The following ZNF236 variants were observed in gnomAD, a reference collection of about 807,000 sequenced individuals.
ZNF236 encodes the protein regulated by glucose.
ZNF236 carries 50 observed loss-of-function variants against 191.2 expected under a neutral mutation model. The ratio of observed to expected loss-of-function variants is 0.26; its 90% CI spans 0.21 to 0.33. The LOEUF (loss-of-function observed/expected upper bound fraction) is 0.33. Among genes scored for constraint, ZNF236 ranks in the 10% least tolerant of loss-of-function variants. The pLI, the probability that ZNF236 is intolerant of heterozygous loss-of-function variation, is 1.00. For synonymous variants in ZNF236, 907 were observed against 928.8 expected (o/e 0.98, Z 0.43); for missense variants, 1,754 against 2,374.5 (o/e 0.74, Z 5.43).
intron 14 of ZNF236, among the ~76,000 whole-genome samples, chr18:76,909,312 C>G (rs1191965915): frequency 1.4e-5 from 1 of 71,324 alleles, no homozygotes; most frequent in African/African-American, 6.1e-5. Context: ...GAGTGAGACT[C>G]TGTCTCAAAA....
intron 28 of ZNF236, among the ~76,000 whole-genome samples, chr18:76,958,877 G>C (rs571684492): frequency 1.3e-5 from 2 of 152,188 alleles, no homozygotes; most frequent in Non-Finnish European, 2.9e-5. Flanking sequence ...GAACACAGGC[G>C]GTCACATGGA....
intron 27 of ZNF236, among the ~76,000 whole-genome samples, chr18:76,955,045 T>C (rs1475479329): frequency 6.6e-6 from 1 of 152,246 alleles, no homozygotes; most frequent in Non-Finnish European, 1.5e-5. Flanking sequence ...ACAGATCTCA[T>C]TAATTTTCAT....
chr18:76,881,696 T>C (rs1976906655), intron 9 of ZNF236, among the ~76,000 whole-genome samples, 184 bp downstream of exon 9: 1 of 152,218 alleles, frequency 6.6e-6, no homozygotes, highest in South Asian at 2.1e-4. Context: ...CTGAAACTTA[T>C]CACTTTTCTT....
Position 76,925,040 on chromosome 18 carries a change from G to A in ZNF236, c.3662-149G>A, listed in dbSNP as rs114643890. 7.3e-4 allele frequency: 901 copies of A among 1,239,668 alleles called. 4 individuals carry two copies. The African/African-American group carries it at 0.012, about 16-fold the overall frequency. The allele number at this position is 1,239,668 out of a possible 1,614,324, so 76.8% of individuals were successfully genotyped here. A position where few individuals can be genotyped will look rare whatever the true frequency, so the allele number is the denominator to read the frequency against. On this transcript the variant is annotated intron_variant, in intron 21 of 30. Transcript: ENST00000320610. This position sits in a 1 kb window ranked among gnomAD's most constrained non-coding sequence, Gnocchi z 5.7. ...ACTGCAGCAATTGCCTGTGACGTCC[G>A]TAACATCTTATAGGTGAAAGGGATT... is the stretch of plus-strand genomic sequence containing the variant.
At chr18:76,908,953 ATGTGTGTGTCTGTGTG>A (rs1251571171) in intron 14 of ZNF236, among the ~76,000 whole-genome samples, 11 of 117,316 alleles carry the variant, frequency 9.4e-5, no homozygotes, top group South Asian at 3.3e-4. Flanking sequence ...GTGTGTGTGT[ATGTGTGTGTCTGTGTG>A]TGTGTGTGTG....
At position 76,878,226 on chromosome 18, in the gene ZNF236, A is replaced by G. The variant is rs530729860; in HGVS notation, c.984+74A>G. On this transcript the variant is annotated intron_variant, in intron 7 of 30. Transcript: ENST00000320610. Reference sequence around the variant, plus strand: ...TTTTAAATATGACCTTTACAATTGAATATTTAGTAGCAAAAAGGTGCTATG... The same window carrying G: ...TTTTAAATATGACCTTTACAATTGAGTATTTAGTAGCAAAAAGGTGCTATG... 4 of 1,403,870 alleles carry G rather than the reference A, an allele frequency of 2.8e-6. No individual in the cohort carries two copies. The South Asian group carries it at 7.2e-5, about 25-fold the overall frequency. The allele number at this position is 1,403,870 out of a possible 1,614,324, so 87.0% of individuals were successfully genotyped here.
At chr18:76,862,731 C>G (rs565437354) in intron 3 of ZNF236, among the ~76,000 whole-genome samples, 61 of 152,302 alleles carry the variant, frequency 4.0e-4, no homozygotes, top group Middle Eastern at 3.4e-3. Flanking sequence ...GTCAGTGGGG[C>G]TCTGCGAAAT....
intron 22 of ZNF236, 102 bp from the exon 23 acceptor site, chr18:76,926,935 T>C (rs1967712609): frequency 7.3e-7 from 1 of 1,361,538 alleles, no homozygotes; most frequent in African/African-American, 1.5e-5. Flanking sequence ...ACATAATGTG[T>C]ACAACTTATG....
chr18:76,874,491 A>C (rs1281245133), intron 5 of ZNF236, among the ~76,000 whole-genome samples: 1 of 152,092 alleles, frequency 6.6e-6, no homozygotes, highest in Non-Finnish European at 1.5e-5. Context: ...GAAGAGCCGC[A>C]GCGCACAAGC....
rs1344541754 is a variant in ZNF236, at chr18:76,972,839, G to A, written c.*4500G>A. On this transcript the variant is annotated 3_prime_UTR_variant, in exon 31 of 31. Transcript: ENST00000320610. Reference sequence around the variant, plus strand: ...CAGTTTTGTATTAGAAATGGATAGTGATGCCAAAAGCCACCGTGCTGGCTT... The same window carrying A: ...CAGTTTTGTATTAGAAATGGATAGTAATGCCAAAAGCCACCGTGCTGGCTT... Among the ~76,000 whole-genome samples, 1 of 152,124 alleles carries A rather than the reference G, an allele frequency of 6.6e-6. No individual in the cohort carries two copies. Among genetic ancestry groups the A allele is most frequent in the African/African-American group, 2.4e-5 (1 of 41,422 alleles).
chr18:76,830,028 G>T (rs1037387903), intron 1 of ZNF236, among the ~76,000 whole-genome samples: 3 of 152,082 alleles, frequency 2.0e-5, no homozygotes, highest in Non-Finnish European at 4.4e-5. Flanking sequence ...GCGCCACCAC[G>T]CCTGGCTAAT....
chr18:76,884,269 C>T (rs984598952), intron 9 of ZNF236, among the ~76,000 whole-genome samples: 6 of 151,686 alleles, frequency 4.0e-5, no homozygotes, highest in Admixed American at 6.6e-5. Flanking sequence ...GGTGTGGTAG[C>T]GGGCACCTGT....
chr18:76,828,490 G>T (rs932232764), intron 1 of ZNF236, among the ~76,000 whole-genome samples: 1 of 152,178 alleles, frequency 6.6e-6, no homozygotes, highest in African/African-American at 2.4e-5. Flanking sequence ...TGAAGCGGCA[G>T]GAGGCAGCCA....
chr18:76,945,804 T>A (rs866383066), intron 26 of ZNF236, among the ~76,000 whole-genome samples: 1 of 152,172 alleles, frequency 6.6e-6, no homozygotes, highest in Admixed American at 6.5e-5. Context: ...AAAAGAACTT[T>A]TCAATTTAGA....
chr18:76,965,292 A>G lies in ZNF236; in HGVS notation c.5420-2923A>G, dbSNP rs182498641. 5.2e-4 allele frequency among the ~76,000 whole-genome samples: 79 copies of G among 151,968 alleles called. 1 individual carries two copies. The East Asian group carries it at 0.014, about 26-fold the overall frequency. ...TTGAATATTTCTCCCTTCACTTCTT[A>G]TATCATTTTTTTGATTTCCTTACCT... On this transcript the variant is annotated intron_variant, in intron 30 of 30. Transcript: ENST00000320610.
intron 25 of ZNF236, among the ~76,000 whole-genome samples, chr18:76,931,744 ATG>A (rs1967855863): frequency 6.6e-6 from 1 of 152,244 alleles, no homozygotes; most frequent in Non-Finnish European, 1.5e-5. Flanking sequence ...AACGTAATAA[ATG>A]AGCTCATGTA....
In ZNF236 at chr18:76,925,618, C is replaced by G. The variant is rs374425349; in HGVS notation, c.4027+64C>G. The G allele has an allele frequency of 3.6e-5, 56 of 1,556,850 alleles. No homozygotes were observed. The African/African-American group carries it at 7.0e-4, about 20-fold the overall frequency. On this transcript the variant is annotated intron_variant, in intron 22 of 30. Coordinates refer to ENST00000320610, the MANE Select transcript of ZNF236 (RefSeq NM_001306089.2). This position sits in a 1 kb window ranked among gnomAD's most constrained non-coding sequence, Gnocchi z 5.7. ...TTGAACTGTTCTGTGCTGCTTCTGT[C>G]TGTTCCCACGACAGAAGAGATGTTG...
At chr18:76,873,107 G>A (rs888652785) in intron 5 of ZNF236, among the ~76,000 whole-genome samples, 1 of 90,688 alleles carries the variant, frequency 1.1e-5, no homozygotes, top group African/African-American at 2.7e-5. Flanking sequence ...TGTCTGTAGA[G>A]TATTCAGCTT....
intron 29 of ZNF236, 111 bp downstream of exon 29, chr18:76,959,927 A>T: frequency 7.7e-7 from 1 of 1,304,724 alleles, no homozygotes; most frequent in Non-Finnish European, 1.0e-6. Flanking sequence ...TGCTTTATTT[A>T]TAAAGCAAGG....
Sources: allele counts gnomAD v4.1 joint callset (sites outside exome capture counted in the v4.1 genomes callset), GRCh38; gene constraint gnomAD v4.1.1; non-coding constraint Gnocchi (gnomAD v3.1); transcripts MANE v1.5; gene names NCBI Gene and HGNC (gene_info 2026-07-23, HGNC 2026-07-21).